Variants in FAM78B observed in about 807,000 individuals in gnomAD.
FAM78B encodes family with sequence similarity 78 member B.
A neutral mutation model predicts 20.0 loss-of-function variants in FAM78B; 10 were observed. That is an observed-to-expected ratio of 0.50 (90% CI 0.31 to 0.85). The LOEUF (loss-of-function observed/expected upper bound fraction) is 0.85, where lower values mean the gene tolerates loss of function less well. Among genes scored for constraint, FAM78B ranks in the 40% least tolerant of loss-of-function variants. The probability of loss-of-function intolerance (pLI) is 0.05; values close to 1 mark genes in which losing one functional copy is unlikely to be tolerated. For missense variants in FAM78B, 283 were observed against 345.0 expected, an observed-to-expected ratio of 0.82 and a Z score of 1.42; for synonymous variants, 135 against 132.8, an observed-to-expected ratio of 1.02 and a Z score of -0.12.
At chr1:166,077,635 TTA>T (rs1260045577) in intron 1 of FAM78B, among the ~76,000 whole-genome samples, 3 of 136,444 alleles carry the variant, frequency 2.2e-5, no homozygotes, top group Admixed American at 1.6e-4. Context: ...ATACATATAA[TTA>T]TATATTTATA....
At chr1:166,122,927 T>C (rs1264674028) in intron 1 of FAM78B, among the ~76,000 whole-genome samples, 1 of 152,096 alleles carries the variant, frequency 6.6e-6, no homozygotes, top group African/African-American at 2.4e-5. Context: ...AGGCCCCTCT[T>C]TTATATGAGG....
intron 1 of FAM78B, among the ~76,000 whole-genome samples, chr1:166,125,326 T>C (rs6426970): frequency 0.77 from 116,659 of 152,120 alleles, 45,074 homozygotes; most frequent in Non-Finnish European, 0.82. Flanking sequence ...CTGAGTCTAA[T>C]AACCTGCCTC....
intron 1 of FAM78B, among the ~76,000 whole-genome samples, chr1:166,095,144 A>C (rs1653227773): frequency 6.6e-6 from 1 of 152,112 alleles, no homozygotes; most frequent in African/African-American, 2.4e-5. Flanking sequence ...AAGTCTGCTG[A>C]CAACCCTGCC....
intron 1 of FAM78B, among the ~76,000 whole-genome samples, chr1:166,133,061 G>C (rs974450509): frequency 6.6e-6 from 1 of 152,208 alleles, no homozygotes; most frequent in African/African-American, 2.4e-5. Context: ...GGTATGAGTT[G>C]TTCATTAAAC....
chr1:166,116,021 T>C (rs80088544), intron 1 of FAM78B, among the ~76,000 whole-genome samples: 10,517 of 152,310 alleles, frequency 0.069, 445 homozygotes, highest in South Asian at 0.14. Context: ...TGTGACTGTG[T>C]GTGAGTGCAC....
chr1:166,151,499 C>T (rs1410690973), intron 1 of FAM78B, among the ~76,000 whole-genome samples: 1 of 152,206 alleles, frequency 6.6e-6, no homozygotes, highest in Non-Finnish European at 1.5e-5. Flanking sequence ...AAGCCCTAAA[C>T]ATTCCTGGGT....
At chr1:166,146,656 T>C (rs1040252879) in intron 1 of FAM78B, among the ~76,000 whole-genome samples, 1 of 152,088 alleles carries the variant, frequency 6.6e-6, no homozygotes, top group African/African-American at 2.4e-5. Context: ...GAATATACAA[T>C]GGGTCAAGGG....
chr1:166,071,621 T>C (rs1446233721), intron 1 of FAM78B, among the ~76,000 whole-genome samples: 1 of 152,250 alleles, frequency 6.6e-6, no homozygotes, highest in Non-Finnish European at 1.5e-5. Flanking sequence ...TTACAACCAT[T>C]GTGCTAAGTA....
chr1:166,093,188 A>G (rs1653146447), intron 1 of FAM78B, among the ~76,000 whole-genome samples: 3 of 152,210 alleles, frequency 2.0e-5, no homozygotes, highest in Admixed American at 6.5e-5. Flanking sequence ...TTTCAAATAT[A>G]TATCTCTCCA....
intron 1 of FAM78B, among the ~76,000 whole-genome samples, chr1:166,152,655 G>GATTT (rs59226484): frequency 0.11 from 15,319 of 140,392 alleles, 953 homozygotes; most frequent in African/African-American, 0.17. Flanking sequence ...TGGTACTCTG[G>GATTT]ATTTATTTAT....
chr1:166,091,935 C>G (rs1164656745), intron 1 of FAM78B, among the ~76,000 whole-genome samples: 1 of 151,976 alleles, frequency 6.6e-6, no homozygotes, highest in Non-Finnish European at 1.5e-5. Flanking sequence ...CATCCACATT[C>G]TGTTACGTTT....
At chr1:166,070,993 A>T (rs948053922) in intron 1 of FAM78B, among the ~76,000 whole-genome samples, 1 of 152,220 alleles carries the variant, frequency 6.6e-6, no homozygotes, top group Non-Finnish European at 1.5e-5. Context: ...ACCATGGCTG[A>T]CCCAATTGAG....
chr1:166,092,671 A>C (rs1159449592), intron 1 of FAM78B, among the ~76,000 whole-genome samples: 2 of 152,136 alleles, frequency 1.3e-5, no homozygotes, highest in African/African-American at 4.8e-5. Flanking sequence ...CTGTGACCCG[A>C]GGGCGTGGGC....
chr1:166,090,491 G>A (rs1453318611), intron 1 of FAM78B, among the ~76,000 whole-genome samples: 1 of 152,316 alleles, frequency 6.6e-6, no homozygotes, highest in South Asian at 2.1e-4. Flanking sequence ...ACAATGGAAT[G>A]AGAGCTCTCC....
At chr1:166,060,478 G>T in exon 3 of FAM78B, 1 of 620,700 alleles carries the variant, frequency 1.6e-6, no homozygotes, top group Non-Finnish European at 2.6e-6. Flanking sequence ...CGTGGAGGGT[G>T]GGTAGGAGGG....
chr1:166,121,766 G>C (rs189553960), intron 1 of FAM78B, among the ~76,000 whole-genome samples: 1 of 152,150 alleles, frequency 6.6e-6, no homozygotes, highest in African/African-American at 2.4e-5. Flanking sequence ...TATAGATGAG[G>C]AACCTGAGAC....
At chr1:166,083,862 C>T (rs1378663946) in intron 1 of FAM78B, among the ~76,000 whole-genome samples, 1 of 143,068 alleles carries the variant, frequency 7.0e-6, no homozygotes, top group African/African-American at 2.6e-5. Context: ...ATCATGCCTG[C>T]GTGGCACATA....
intron 1 of FAM78B, among the ~76,000 whole-genome samples, chr1:166,112,458 C>G: frequency 6.6e-6 from 1 of 152,148 alleles, no homozygotes; most frequent in East Asian, 1.9e-4. Flanking sequence ...GGCACCTTCC[C>G]AAAGAATCTG....
At position 166,166,265 on chromosome 1, in the gene FAM78B, G is replaced by T. The variant is rs374038216; in HGVS notation, c.-17C>A. 1.2e-5 allele frequency: 16 copies of T among 1,366,186 alleles called. No homozygotes were observed. The Middle Eastern group carries it at 7.4e-4, about 63-fold the overall frequency. 84.6% of individuals were successfully genotyped at this position (1,366,186 alleles called of 1,614,324 possible). On this transcript the variant is annotated 5_prime_UTR_variant, in exon 1 of 2. Coordinates refer to ENST00000354422, the MANE Select transcript of FAM78B (RefSeq NM_001017961.5). ...ACAGCCCATCCTGCAGCCCGGTGCC[G>T]GCACGGCGCGGCGTGGGGCAGCGCG...
Sources: allele counts gnomAD v4.1 joint callset (sites outside exome capture counted in the v4.1 genomes callset), GRCh38; gene constraint gnomAD v4.1.1; transcripts MANE v1.5; gene names NCBI Gene and HGNC (gene_info 2026-07-23, HGNC 2026-07-21).